CHODL: variants seen among roughly 807,000 people sequenced by gnomAD.
CHODL encodes transmembrane protein MT75.
Under a neutral mutation model 34.5 loss-of-function variants are expected in CHODL, and 29 were observed. That is an observed-to-expected ratio of 0.84 (90% CI 0.63 to 1.15). The LOEUF (loss-of-function observed/expected upper bound fraction) is 1.15, where lower values mean the gene tolerates loss of function less well. Ranked by LOEUF, CHODL falls within the 50% of genes most tolerant of loss-of-function variation. The pLI is 0.00. For missense variants in CHODL, 332 were observed against 332.5 expected, an observed-to-expected ratio of 1.00 and a Z score of 0.01; for synonymous variants, 125 against 116.1, an observed-to-expected ratio of 1.08 and a Z score of -0.49.
chr21:17,926,375 G>GTTTTTTTT, intron 1 of CHODL, among the ~76,000 whole-genome samples: 1 of 60,540 alleles, frequency 1.7e-5, no homozygotes, highest in African/African-American at 4.3e-5. Flanking sequence ...AAATAAGGTG[G>GTTTTTTTT]GTTTTTTTTT....
chr21:18,191,345 TA>T (rs947860355), intron 2 of CHODL, among the ~76,000 whole-genome samples: 58 of 151,934 alleles, frequency 3.8e-4, no homozygotes, highest in African/African-American at 1.1e-3. Context: ...CAGTTGAAGA[TA>T]AAAAAAATGG....
intron 1 of CHODL, among the ~76,000 whole-genome samples, chr21:17,988,668 G>A (rs1413733243): frequency 4.9e-5 from 7 of 143,806 alleles, no homozygotes; most frequent in Non-Finnish European, 1.1e-4. Flanking sequence ...TTGTTCTTGC[G>A]ATAGTTTACT....
At chr21:17,970,831 A>T (rs967703258) in intron 1 of CHODL, among the ~76,000 whole-genome samples, 11 of 152,082 alleles carry the variant, frequency 7.2e-5, no homozygotes, top group Non-Finnish European at 1.6e-4. Flanking sequence ...GGTTTGCTAC[A>T]TCCATCAACC....
chr21:18,222,264 G>A (rs2073891703), intron 2 of CHODL, among the ~76,000 whole-genome samples: 1 of 152,118 alleles, frequency 6.6e-6, no homozygotes, highest in Non-Finnish European at 1.5e-5. Flanking sequence ...CGTGGGCTCA[G>A]GTGCTGGTGG....
intron 2 of CHODL, among the ~76,000 whole-genome samples, chr21:18,097,720 A>G (rs974668817): frequency 1.3e-5 from 2 of 152,076 alleles, no homozygotes; most frequent in Non-Finnish European, 2.9e-5. Flanking sequence ...AAAAACCATC[A>G]TAAAATTTAT....
At chr21:18,154,672 T>TA (rs1408333494) in intron 2 of CHODL, among the ~76,000 whole-genome samples, 1 of 152,336 alleles carries the variant, frequency 6.6e-6, no homozygotes, top group Non-Finnish European at 1.5e-5. Flanking sequence ...GATTAACATT[T>TA]GATTGAATAA....
intron 2 of CHODL, among the ~76,000 whole-genome samples, chr21:18,170,572 T>C (rs566762925): frequency 4.8e-4 from 73 of 152,282 alleles, no homozygotes; most frequent in African/African-American, 1.7e-3. Flanking sequence ...TTTATCTTTT[T>C]ATTGGTTGTC....
intron 2 of CHODL, among the ~76,000 whole-genome samples, chr21:18,217,413 G>A (rs1043135075): frequency 2.0e-5 from 3 of 152,066 alleles, no homozygotes; most frequent in Non-Finnish European, 4.4e-5. Flanking sequence ...CCAAGCAAAA[G>A]GGGGAAAAGC....
At chr21:17,977,798 ATT>A (rs2063676824) in intron 1 of CHODL, among the ~76,000 whole-genome samples, 1 of 148,264 alleles carries the variant, frequency 6.7e-6, no homozygotes, top group Admixed American at 6.8e-5. Context: ...CGGCACCTGT[ATT>A]CCCAGCTACT....
At chr21:18,171,394 G>C (rs1377874811) in intron 2 of CHODL, among the ~76,000 whole-genome samples, 3 of 148,054 alleles carry the variant, frequency 2.0e-5, no homozygotes, top group Non-Finnish European at 4.5e-5. Flanking sequence ...TTTTAGTAGA[G>C]ACGGGGGTTT....
intron 2 of CHODL, among the ~76,000 whole-genome samples, chr21:18,144,616 ACT>A (rs1011768582): frequency 3.3e-5 from 5 of 151,968 alleles, no homozygotes; most frequent in African/African-American, 9.7e-5. Flanking sequence ...AGCTCTCATA[ACT>A]CTCTATTTCT....
chr21:18,055,519 A>G (rs1016404381), intron 2 of CHODL, among the ~76,000 whole-genome samples: 27 of 152,088 alleles, frequency 1.8e-4, no homozygotes, highest in African/African-American at 6.3e-4. Flanking sequence ...TCATGCCTTT[A>G]GCTTCCTTGA....
chr21:18,028,557 G>A (rs1419026981), intron 2 of CHODL, among the ~76,000 whole-genome samples: 2 of 151,516 alleles, frequency 1.3e-5, no homozygotes, highest in Admixed American at 1.3e-4. Context: ...AAATTAGCTG[G>A]GCGTGGTGGC....
chr21:18,257,269 C>T (rs914236505), intron 3 of CHODL, 142 bp downstream of exon 3: 16 of 714,668 alleles, frequency 2.2e-5, no homozygotes, highest in African/African-American at 1.6e-4. Flanking sequence ...TCATATCACT[C>T]GTGTAATGAA....
Position 18,027,469 on chromosome 21 carries a change from G to C in CHODL, c.-144-403G>C, listed in dbSNP as rs183121643. ...GATAATATTGCTCTGTAGTTACACAGAAGAATCACATGTGAATGACTTAAA... is the reference window on the plus strand; with the variant it reads ...GATAATATTGCTCTGTAGTTACACACAAGAATCACATGTGAATGACTTAAA... On this transcript the variant is annotated intron_variant, in intron 1 of 6. Coordinates refer to the CHODL transcript ENST00000400127. Among the ~76,000 whole-genome samples, 11 of 152,252 alleles carry C rather than the reference G, an allele frequency of 7.2e-5. No homozygotes were observed. The East Asian group carries it at 2.1e-3, about 29-fold the overall frequency.
intron 1 of CHODL, among the ~76,000 whole-genome samples, chr21:17,947,988 T>G (rs1379464808): frequency 6.6e-6 from 1 of 152,092 alleles, no homozygotes; most frequent in African/African-American, 2.4e-5. Context: ...ACAATGAAAA[T>G]GTGTCTTTTA....
In CHODL at chr21:18,171,197, A is replaced by ATTTCTTTTTTTTTTT. The variant is rs2073224159; in HGVS notation, c.-44-85312_-44-85311insTTTCTTTTTTTTTTT. Among the ~76,000 whole-genome samples, 2 of 4,520 alleles carry ATTTCTTTTTTTTTTT rather than the reference A, an allele frequency of 4.4e-4. 1 individual carries two copies. Among genetic ancestry groups the ATTTCTTTTTTTTTTT allele is most frequent in the Admixed American group, 7.4e-3 (2 of 272 alleles). 3.0% of individuals were successfully genotyped at this position (4,520 alleles called of 152,430 possible). ...TTGTTCTTCAGACATGGTTTTCTTT[A>ATTTCTTTTTTTTTTT]GTTTTTTTTTTTTTTTTTTTGAGAC... On this transcript the variant is annotated intron_variant, in intron 2 of 6. Coordinates refer to the CHODL transcript ENST00000400127.
chr21:18,082,839 G>T (rs1267147905), intron 2 of CHODL, among the ~76,000 whole-genome samples: 1 of 151,698 alleles, frequency 6.6e-6, no homozygotes, highest in Non-Finnish European at 1.5e-5. Flanking sequence ...ACAAAGAGAT[G>T]GTCTGAAATT....
At chr21:18,060,475 A>T (rs1258493651) in intron 2 of CHODL, among the ~76,000 whole-genome samples, 1 of 151,576 alleles carries the variant, frequency 6.6e-6, no homozygotes, top group Admixed American at 6.6e-5. Context: ...TAAATAAATA[A>T]AATTATCAAA....
Sources: allele counts gnomAD v4.1 joint callset (sites outside exome capture counted in the v4.1 genomes callset), GRCh38; gene constraint gnomAD v4.1.1; transcripts MANE v1.5; gene names NCBI Gene and HGNC (gene_info 2026-07-23, HGNC 2026-07-21).